The following SEMA3A variants were observed in gnomAD, a reference collection of about 807,000 sequenced individuals.
The protein encoded by SEMA3A is semaphorin 3A.
In SEMA3A, 29 loss-of-function variants were observed where a neutral mutation model predicts 97.9. The observed-to-expected ratio is 0.30, with a 90% CI of 0.22 to 0.40. The LOEUF is 0.40. Among genes scored for constraint, SEMA3A ranks in the 10% least tolerant of loss-of-function variants. The pLI is 1.00. For missense variants in SEMA3A, 763 were observed against 951.3 expected (o/e 0.80, Z 2.60); for synonymous variants, 321 against 323.7 (o/e 0.99, Z 0.09).
chr7:84,118,132 T>G (rs189325868), intron 3 of SEMA3A, among the ~76,000 whole-genome samples: 19 of 152,302 alleles, frequency 1.2e-4, no homozygotes, highest in African/African-American at 4.6e-4. Flanking sequence ...TAAACAGAGA[T>G]AGATTTAACA....
intron 3 of SEMA3A, among the ~76,000 whole-genome samples, chr7:84,286,271 A>G (rs564896275): frequency 2.6e-5 from 4 of 152,294 alleles, no homozygotes; most frequent in African/African-American, 7.2e-5. Context: ...AAATTATTTC[A>G]TTCACATATT....
chr7:84,407,864 C>T (rs1359917164), intron 1 of SEMA3A, among the ~76,000 whole-genome samples: 2 of 152,154 alleles, frequency 1.3e-5, no homozygotes, highest in South Asian at 4.1e-4. Context: ...AAACTGGATC[C>T]TTTCCTTACA....
intron 4 of SEMA3A, among the ~76,000 whole-genome samples, chr7:84,105,469 T>C (rs912651429): frequency 6.6e-6 from 1 of 152,166 alleles, no homozygotes; most frequent in Non-Finnish European, 1.5e-5. Context: ...GGAAATGACC[T>C]TAGAGATAGC....
At chr7:84,485,435 G>A (rs1806550542) in intron 1 of SEMA3A, among the ~76,000 whole-genome samples, 1 of 151,764 alleles carries the variant, frequency 6.6e-6, no homozygotes, top group Non-Finnish European at 1.5e-5. Context: ...GAGTGCAGTG[G>A]GGCGATCATA....
chr7:84,326,896 T>C (rs146142299), intron 2 of SEMA3A, among the ~76,000 whole-genome samples: 129 of 152,054 alleles, frequency 8.5e-4, no homozygotes, highest in African/African-American at 3.0e-3. Flanking sequence ...AATATCATCA[T>C]GAACATAGGC....
At chr7:84,069,087 T>G (rs2115743337) in intron 4 of SEMA3A, among the ~76,000 whole-genome samples, 1 of 152,228 alleles carries the variant, frequency 6.6e-6, no homozygotes, top group South Asian at 2.1e-4. Context: ...TCTAGTGAGA[T>G]GAGGATCTGA....
intron 6 of SEMA3A, among the ~76,000 whole-genome samples, chr7:84,019,588 A>T (rs1791245002): frequency 1.3e-5 from 2 of 152,162 alleles, no homozygotes; most frequent in Non-Finnish European, 2.9e-5. Flanking sequence ...AAACTTCCAC[A>T]GACACTGTAT....
chr7:84,260,589 C>A (rs940693573), intron 3 of SEMA3A, among the ~76,000 whole-genome samples: 3 of 148,600 alleles, frequency 2.0e-5, no homozygotes, highest in Non-Finnish European at 4.5e-5. Context: ...CAATTTTGGA[C>A]CAGAGTTGTA....
chr7:84,416,649 C>G (rs563800331), intron 1 of SEMA3A, among the ~76,000 whole-genome samples: 9 of 152,098 alleles, frequency 5.9e-5, no homozygotes, highest in Non-Finnish European at 1.2e-4. Context: ...TGAAAAAACT[C>G]TTTCAAACAT....
intron 4 of SEMA3A, among the ~76,000 whole-genome samples, chr7:84,099,065 C>CAATAAAAA (rs1583964171): frequency 3.2e-5 from 3 of 92,548 alleles, no homozygotes; most frequent in South Asian, 3.2e-4. Context: ...ATTACATTTT[C>CAATAAAAA]TTTTTTTTTC....
intron 2 of SEMA3A, among the ~76,000 whole-genome samples, chr7:84,369,354 T>C (rs1802922330): frequency 6.6e-6 from 1 of 151,066 alleles, no homozygotes; most frequent in African/African-American, 2.4e-5. Flanking sequence ...CTGTTGAAAG[T>C]GACTTTTGGA....
chr7:84,366,452 C>T (rs1450798713), intron 2 of SEMA3A, among the ~76,000 whole-genome samples: 1 of 151,244 alleles, frequency 6.6e-6, no homozygotes, highest in Non-Finnish European at 1.5e-5. Flanking sequence ...ATGACATGAT[C>T]AGTATTCATT....
chr7:84,316,332 C>A (rs974152716), intron 2 of SEMA3A, among the ~76,000 whole-genome samples: 1 of 151,230 alleles, frequency 6.6e-6, no homozygotes. Context: ...AAAGTAAGCA[C>A]CAATATAAAG....
At chr7:84,234,892 G>T (rs1008034999) in intron 3 of SEMA3A, among the ~76,000 whole-genome samples, 1 of 151,992 alleles carries the variant, frequency 6.6e-6, no homozygotes, top group African/African-American at 2.4e-5. Flanking sequence ...CATTGTTGGA[G>T]AAGGTCAAAT....
chr7:84,323,146 G>A (rs183570109), intron 2 of SEMA3A, among the ~76,000 whole-genome samples: 2 of 152,206 alleles, frequency 1.3e-5, no homozygotes, highest in Non-Finnish European at 2.9e-5. Context: ...TGCTCCATAA[G>A]TATTAACAAC....
chr7:84,204,135 ATG>A (rs929138595), intron 3 of SEMA3A, among the ~76,000 whole-genome samples: 8 of 152,126 alleles, frequency 5.3e-5, no homozygotes, highest in Non-Finnish European at 1.2e-4. Context: ...GTGTTTCTAA[ATG>A]TGTAGTGTCT....
intron 1 of SEMA3A, among the ~76,000 whole-genome samples, chr7:84,383,835 G>C (rs1016404094): frequency 3.9e-5 from 6 of 152,124 alleles, no homozygotes; most frequent in African/African-American, 9.7e-5. Context: ...AAAACTTTCA[G>C]AAATTACCTC....
intron 1 of SEMA3A, among the ~76,000 whole-genome samples, chr7:84,174,387 G>C (rs1193013866): frequency 6.6e-6 from 1 of 152,136 alleles, no homozygotes; most frequent in Non-Finnish European, 1.5e-5. Flanking sequence ...AGGAACTTAG[G>C]GTTTAAATAG....
chr7:83,969,101 G>GCAC (rs1788825827), intron 15 of SEMA3A, among the ~76,000 whole-genome samples: 1 of 152,018 alleles, frequency 6.6e-6, no homozygotes, highest in Non-Finnish European at 1.5e-5. Flanking sequence ...ATGAGCCACT[G>GCAC]CACCAGTCTT....
Sources: gnomAD v4.1 joint callset for allele counts (sites outside exome capture counted in the v4.1 genomes callset) on GRCh38, gnomAD v4.1.1 for gene constraint, MANE v1.5 for transcripts, NCBI Gene and HGNC (gene_info 2026-07-23, HGNC 2026-07-21) for gene names.